The following LRBA variants were observed in gnomAD, a reference collection of about 807,000 sequenced individuals.
LRBA encodes lipopolysaccharide-responsive and beige-like anchor protein.
Under a neutral mutation model 330.0 loss-of-function variants are expected in LRBA, and 176 were observed. The ratio of observed to expected loss-of-function variants is 0.53; its 90% CI spans 0.47 to 0.60. LRBA has a LOEUF of 0.60. Ranked by LOEUF, LRBA falls within the 20% of genes least tolerant of loss-of-function variation. The pLI, the probability that LRBA is intolerant of heterozygous loss-of-function variation, is 0.00. For synonymous variants in LRBA, 1,230 were observed against 1,193.0 expected (o/e 1.03, Z -0.64); for missense variants, 3,259 against 3,444.8 (o/e 0.95, Z 1.35).
In LRBA at chr4:150,576,608, G is replaced by A. The variant is rs1770580739; in HGVS notation, c.6330+11440C>T. 2.0e-5 allele frequency among the ~76,000 whole-genome samples: 3 copies of A among 151,936 alleles called. No individual in the cohort carries two copies. In the South Asian group the frequency reaches 6.2e-4, roughly 32 times the overall value. ...TAATAAAGTACTCATTTATGCAGTT[G>A]CTATTCAACTTGGGGGAAAACCCTG... On this transcript the variant is annotated intron_variant, in intron 40 of 56. Transcript: ENST00000651943.
chr4:150,399,589 T>C (rs952196320), intron 47 of LRBA, among the ~76,000 whole-genome samples: 1 of 152,176 alleles, frequency 6.6e-6, no homozygotes, highest in Non-Finnish European at 1.5e-5. Context: ...CTGTTAAGTA[T>C]GTCCACTTAA....
chr4:150,326,194 T>A (rs1319515636), intron 48 of LRBA, among the ~76,000 whole-genome samples: 1 of 152,212 alleles, frequency 6.6e-6, no homozygotes, highest in East Asian at 1.9e-4. Flanking sequence ...CATCTCTGTT[T>A]TCTTGCACTT....
intron 26 of LRBA, among the ~76,000 whole-genome samples, chr4:150,848,061 CT>C (rs1750090937): frequency 6.6e-6 from 1 of 152,094 alleles, no homozygotes; most frequent in South Asian, 2.1e-4. Flanking sequence ...ATTGCCCAGG[CT>C]GCAGTGCAGT....
At chr4:150,361,918 C>A (rs1738753246) in intron 47 of LRBA, among the ~76,000 whole-genome samples, 1 of 151,950 alleles carries the variant, frequency 6.6e-6, no homozygotes, top group Non-Finnish European at 1.5e-5. Context: ...ACTATAGGCA[C>A]CCGCCACCAC....
chr4:150,295,214 T>C (rs1345747636), intron 53 of LRBA, among the ~76,000 whole-genome samples: 4 of 146,920 alleles, frequency 2.7e-5, no homozygotes, highest in Non-Finnish European at 6.0e-5. Flanking sequence ...TTTTTTTTTT[T>C]TTTTTAAGAC....
At chr4:150,933,365 C>CAA (rs60766197) in intron 2 of LRBA, among the ~76,000 whole-genome samples, 10 of 79,030 alleles carry the variant, frequency 1.3e-4, no homozygotes, top group Admixed American at 1.5e-4. Flanking sequence ...GACTCTGTCT[C>CAA]AAAAAAAAAA....
chr4:150,737,682 G>A (rs1300746049), intron 35 of LRBA, among the ~76,000 whole-genome samples: 1 of 151,982 alleles, frequency 6.6e-6, no homozygotes, highest in Non-Finnish European at 1.5e-5. Context: ...CCACCTAAAT[G>A]AAGAAGCTCC....
chr4:150,858,362 AGTCT>A lies in LRBA; in HGVS notation c.2767-5423_2767-5420del, dbSNP rs1406726407. On this transcript the variant is annotated intron_variant, in intron 22 of 56. Coordinates refer to ENST00000651943, the MANE Select transcript of LRBA (RefSeq NM_001364905.1). ...ACTCTAGCCTGGGAAGCACAGCAACAGTCTGTCTCTCTCTCTTTTTCTTTTTTTT... is the reference window on the plus strand; with the variant it reads ...ACTCTAGCCTGGGAAGCACAGCAACAGTCTCTCTCTCTTTTTCTTTTTTTT... Among the ~76,000 whole-genome samples, 4 of 151,526 alleles carry A rather than the reference AGTCT, an allele frequency of 2.6e-5. No homozygotes were observed. In the East Asian group the frequency reaches 7.7e-4, roughly 29 times the overall value.
intron 40 of LRBA, among the ~76,000 whole-genome samples, chr4:150,553,771 TGA>T (rs1212214065): frequency 6.6e-6 from 1 of 152,150 alleles, no homozygotes; most frequent in Admixed American, 6.5e-5. Flanking sequence ...CCAAATATGT[TGA>T]GTTTGTTTGG....
intron 43 of LRBA, among the ~76,000 whole-genome samples, chr4:150,470,398 A>T (rs572982827): frequency 4.6e-5 from 7 of 151,700 alleles, no homozygotes; most frequent in Middle Eastern, 3.4e-3. Context: ...TCCTTTACTA[A>T]CTTTCCTTCT....
At chr4:150,913,906 T>C (rs1020298415) in intron 9 of LRBA, among the ~76,000 whole-genome samples, 7 of 152,218 alleles carry the variant, frequency 4.6e-5, no homozygotes, top group African/African-American at 1.4e-4. Context: ...TATATATTTA[T>C]GGGGCCCATA....
intron 40 of LRBA, among the ~76,000 whole-genome samples, chr4:150,537,966 C>T (rs369264723): frequency 3.3e-5 from 5 of 151,522 alleles, no homozygotes; most frequent in African/African-American, 7.2e-5. Flanking sequence ...AAAAAAAAAG[C>T]GAACAAAAGA....
At chr4:150,275,974 A>C (rs1280288172) in intron 56 of LRBA, among the ~76,000 whole-genome samples, 7 of 152,238 alleles carry the variant, frequency 4.6e-5, no homozygotes, top group Non-Finnish European at 7.3e-5. Flanking sequence ...TGTATAGCCA[A>C]GACAATCCTA....
chr4:150,412,336 C>A (rs1747120633), intron 47 of LRBA, among the ~76,000 whole-genome samples: 1 of 152,128 alleles, frequency 6.6e-6, no homozygotes, highest in African/African-American at 2.4e-5. Flanking sequence ...ACAGTTAATA[C>A]TGCAAAATAT....
intron 28 of LRBA, among the ~76,000 whole-genome samples, chr4:150,841,761 T>A (rs752590129): frequency 6.6e-6 from 1 of 152,090 alleles, no homozygotes; most frequent in Non-Finnish European, 1.5e-5. Flanking sequence ...CACGCCATTC[T>A]CCCGCCTCAG....
intron 40 of LRBA, among the ~76,000 whole-genome samples, chr4:150,555,305 A>G (rs1459046529): frequency 2.0e-5 from 3 of 152,224 alleles, no homozygotes; most frequent in African/African-American, 7.2e-5. Context: ...TACTTAAAAC[A>G]CAGTAGACCT....
chr4:150,436,741 C>T lies in LRBA; in HGVS notation c.6904G>A (p.Ala2302Thr), dbSNP rs767103631. The stretch of plus-strand genomic sequence containing the variant: ...GAACTTACTATTCTTAGCAGCCATG[C>T]AAGAACAAAACTTGCAGTTGAGTAA... ...THYSTASFVL[A>T]WLLRIEPFTT... The change falls in exon 45 of 57, where the codon GCA (alanine) becomes ACA (threonine). Residue 2302 changes from alanine to threonine, a missense_variant. Physicochemically the swap from Ala to Thr is moderately conservative, Grantham distance 58. Transcript: ENST00000651943. 1 of 1,612,546 alleles carries T rather than the reference C, an allele frequency of 6.2e-7. No homozygotes were observed. The highest frequency in any genetic ancestry group is 8.5e-7 in the Non-Finnish European group (1 of 1,179,110).
intron 34 of LRBA, among the ~76,000 whole-genome samples, chr4:150,768,376 T>C (rs550391610): frequency 6.6e-6 from 1 of 152,136 alleles, no homozygotes; most frequent in African/African-American, 2.4e-5. Context: ...GGGAAAGAGA[T>C]GCAAGTTGGC....
At chr4:150,938,048 A>G (rs1735270385) in intron 2 of LRBA, among the ~76,000 whole-genome samples, 1 of 151,598 alleles carries the variant, frequency 6.6e-6, no homozygotes, top group African/African-American at 2.4e-5. Context: ...ATTTTTCCTC[A>G]AAGGTGGGGC....
Sources: gnomAD v4.1 joint callset for allele counts (sites outside exome capture counted in the v4.1 genomes callset) on GRCh38, gnomAD v4.1.1 for gene constraint, MANE v1.5 for transcripts, NCBI Gene and HGNC (gene_info 2026-07-23, HGNC 2026-07-21) for gene names.